ZEB2: variants seen among roughly 807,000 people sequenced by gnomAD.
The protein encoded by ZEB2 is zinc finger E-box-binding homeobox 2.
A neutral mutation model predicts 99.9 loss-of-function variants in ZEB2; 6 were observed. The observed-to-expected ratio is 0.06, with a 90% confidence interval of 0.03 to 0.12. ZEB2 has a LOEUF of 0.12. Ranked by LOEUF, ZEB2 falls within the 10% of genes least tolerant of loss-of-function variation. ZEB2 has a pLI of 1.00. For synonymous variants in ZEB2, 517 were observed against 542.5 expected (o/e 0.95, Z 0.65); for missense variants, 969 against 1,502.8 (o/e 0.64, Z 5.87).
intron 2 of ZEB2, among the ~76,000 whole-genome samples, chr2:144,468,115 C>G (rs1704297147): frequency 6.6e-6 from 1 of 151,964 alleles, no homozygotes; most frequent in South Asian, 2.1e-4. Context: ...GGCACATCTG[C>G]CTATAGAGTA....
At chr2:144,500,392 A>G (rs1330108043) in intron 2 of ZEB2, among the ~76,000 whole-genome samples, 2 of 152,116 alleles carry the variant, frequency 1.3e-5, no homozygotes, top group African/African-American at 4.8e-5. Context: ...TAACTGTACA[A>G]TTTTTTTCTA....
intron 9 of ZEB2, among the ~76,000 whole-genome samples, chr2:144,390,957 A>C (rs1703147958): frequency 1.3e-5 from 2 of 152,280 alleles, no homozygotes; most frequent in Non-Finnish European, 2.9e-5. Flanking sequence ...CTGATGCTCC[A>C]GAGTTAAAGT....
At chr2:144,469,509 C>CT (rs942687211) in intron 2 of ZEB2, among the ~76,000 whole-genome samples, 1 of 152,112 alleles carries the variant, frequency 6.6e-6, no homozygotes, top group African/African-American at 2.4e-5. Flanking sequence ...CCATAACAGG[C>CT]TTTTTTTCCC....
intron 4 of ZEB2, among the ~76,000 whole-genome samples, chr2:144,419,726 G>C (rs1213405431): frequency 6.6e-6 from 1 of 151,806 alleles, no homozygotes; most frequent in East Asian, 1.9e-4. Flanking sequence ...AAGTTGTAAG[G>C]CTCTTTGTTA....
At chr2:144,468,593 G>A (rs927812243) in intron 2 of ZEB2, among the ~76,000 whole-genome samples, 2 of 152,018 alleles carry the variant, frequency 1.3e-5, no homozygotes, top group African/African-American at 2.4e-5. Context: ...GTGGACAGTC[G>A]AATTCCAACG....
At position 144,398,503 on chromosome 2, in the gene ZEB2, T is replaced by C; in HGVS notation, c.2684A>G (p.Tyr895Cys). 1 of 1,614,074 alleles carries C rather than the reference T, an allele frequency of 6.2e-7. No individual in the cohort carries two copies. Among genetic ancestry groups the C allele is most frequent in the Non-Finnish European group, 8.5e-7 (1 of 1,180,008 alleles). The change falls in exon 8 of 10, where the codon TAC becomes TGC. Residue 895 changes from tyrosine to cysteine, a missense_variant. Tyr to Cys is a radical substitution (Grantham distance 194). This residue lies in a region of ZEB2 where 346 missense variants were observed against 460.0 expected (regional missense o/e 0.75). Coordinates refer to ENST00000627532, the MANE Select transcript of ZEB2 (RefSeq NM_014795.4). ...SMNPFSAKPL[Y>C]TALPPQSAFP... is the part of the protein sequence containing the mutation. ...TGCGCTTTGAGGTGGAAGAGCTGTGTATAAAGGTTTGGCACTAAATGGGTT... is the reference window on the plus strand; with the variant it reads ...TGCGCTTTGAGGTGGAAGAGCTGTGCATAAAGGTTTGGCACTAAATGGGTT...
chr2:144,407,373 G>A (rs1368234935), intron 4 of ZEB2, among the ~76,000 whole-genome samples: 2 of 152,196 alleles, frequency 1.3e-5, no homozygotes, highest in African/African-American at 4.8e-5. Context: ...ATGGGCTTTA[G>A]ATAAGATCAC....
chr2:144,513,804 G>A (rs1705085467), intron 2 of ZEB2: 1 of 1,536,054 alleles, frequency 6.5e-7, no homozygotes, highest in Admixed American at 2.0e-5. Context: ...AAGGCTGTGT[G>A]GAGATAGTGG....
intron 2 of ZEB2, among the ~76,000 whole-genome samples, chr2:144,470,270 C>T (rs905661382): frequency 1.3e-5 from 2 of 152,076 alleles, no homozygotes; most frequent in Non-Finnish European, 2.9e-5. Context: ...AATGTTTCAA[C>T]TTGAGGGCAA....
chr2:144,481,105 A>G (rs1160833065), intron 2 of ZEB2, among the ~76,000 whole-genome samples: 1 of 152,240 alleles, frequency 6.6e-6, no homozygotes, highest in African/African-American at 2.4e-5. Flanking sequence ...GGAAAAGAGA[A>G]GAAAGAGGAG....
chr2:144,403,202 T>C (rs954903805), intron 6 of ZEB2, among the ~76,000 whole-genome samples: 4 of 152,186 alleles, frequency 2.6e-5, no homozygotes, highest in African/African-American at 9.7e-5. Flanking sequence ...TCCTATTCAG[T>C]TGTTTTAAAG....
intron 2 of ZEB2, among the ~76,000 whole-genome samples, chr2:144,456,505 C>T (rs1260660064): frequency 6.6e-6 from 1 of 152,020 alleles, no homozygotes; most frequent in Non-Finnish European, 1.5e-5. Flanking sequence ...TTTCTTGGGC[C>T]AGTCCTGATT....
At position 144,517,790 on chromosome 2, in the gene ZEB2, G is replaced by A. The variant is rs139846712; in HGVS notation, c.-69-371C>T. ...TCAGCCCCCGGCTCGGGAACTTGGGGTGAGGCGAGGTTTTCTTTTCGTTCT... is the reference window on the plus strand; with the variant it reads ...TCAGCCCCCGGCTCGGGAACTTGGGATGAGGCGAGGTTTTCTTTTCGTTCT... On this transcript the variant is annotated intron_variant, in intron 1 of 9. Transcript: ENST00000627532. The A allele has an allele frequency of 7.9e-3, 5,242 of 666,536 alleles. 28 individuals are homozygous for A. The highest frequency in any genetic ancestry group is 0.012 in the Non-Finnish European group (4,260 of 367,266). The allele number at this position is 666,536 out of a possible 1,614,324, so 41.3% of individuals were successfully genotyped here. A position where few individuals can be genotyped will look rare whatever the true frequency, so the allele number is the denominator to read the frequency against.
At chr2:144,453,579 G>C (rs1247304803) in intron 2 of ZEB2, among the ~76,000 whole-genome samples, 2 of 152,140 alleles carry the variant, frequency 1.3e-5, no homozygotes, top group African/African-American at 4.8e-5. Flanking sequence ...ATGAGATTTA[G>C]AAAAACACAA....
intron 4 of ZEB2, among the ~76,000 whole-genome samples, chr2:144,416,966 A>G (rs1239513608): frequency 6.6e-6 from 1 of 152,256 alleles, no homozygotes; most frequent in Admixed American, 6.5e-5. Context: ...ATCAATAATA[A>G]TGGCTAGAAA....
Position 144,385,465 on chromosome 2 carries a change from C to G in ZEB2, c.*3986G>C, listed in dbSNP as rs1703069466. ...TTTAGTGCTATGATTGATGAACATG[C>G]AATGTGAGATTCAAATAATTGCATT... is the stretch of plus-strand genomic sequence containing the variant. On this transcript the variant is annotated 3_prime_UTR_variant, in exon 10 of 10. Transcript: ENST00000627532. The G allele has an allele frequency of 6.6e-6, 1 of 152,040 alleles. No individual in the cohort carries two copies. The highest frequency in any genetic ancestry group is 2.4e-5 in the African/African-American group (1 of 41,390). 9.4% of individuals were successfully genotyped at this position (152,040 alleles called of 1,614,324 possible). A position where few individuals can be genotyped will look rare whatever the true frequency, so the allele number is the denominator to read the frequency against.
intron 2 of ZEB2, among the ~76,000 whole-genome samples, chr2:144,433,166 G>A (rs138479513): frequency 6.6e-6 from 1 of 152,280 alleles, no homozygotes; most frequent in East Asian, 1.9e-4. Flanking sequence ...GAGGAAAGAT[G>A]TACTGTTTGC....
chr2:144,470,972 C>T (rs960281159), intron 2 of ZEB2, among the ~76,000 whole-genome samples: 4 of 152,108 alleles, frequency 2.6e-5, no homozygotes, highest in African/African-American at 4.8e-5. Context: ...AGAGTCATAA[C>T]TCTCACATGT....
At chr2:144,479,901 G>A (rs543027023) in intron 2 of ZEB2, among the ~76,000 whole-genome samples, 1 of 152,208 alleles carries the variant, frequency 6.6e-6, no homozygotes, top group African/African-American at 2.4e-5. Flanking sequence ...CCAAGACGAT[G>A]CACAAGCCCC....
Sources: allele counts gnomAD v4.1 joint callset (sites outside exome capture counted in the v4.1 genomes callset), GRCh38; gene constraint gnomAD v4.1.1; regional missense constraint gnomAD v4.1.1; transcripts MANE v1.5; gene names NCBI Gene and HGNC (gene_info 2026-07-23, HGNC 2026-07-21).